HIPK1: variants seen among roughly 807,000 people sequenced by gnomAD.
The protein encoded by HIPK1 is homeodomain-interacting protein kinase 1.
Under a neutral mutation model 117.1 loss-of-function variants are expected in HIPK1, and 28 were observed. The observed-to-expected ratio is 0.24, with a 90% CI of 0.18 to 0.33. The LOEUF (loss-of-function observed/expected upper bound fraction) is 0.33, where lower values mean the gene tolerates loss of function less well. HIPK1 is among the 10% of genes least tolerant of loss of function. HIPK1 has a pLI of 1.00. For missense variants in HIPK1, 1,122 were observed against 1,475.1 expected (o/e 0.76, Z 3.92); for synonymous variants, 605 against 562.5 (o/e 1.08, Z -1.07).
intron 2 of HIPK1, among the ~76,000 whole-genome samples, chr1:113,944,336 G>C (rs956875835): frequency 6.6e-6 from 1 of 151,142 alleles, no homozygotes; most frequent in Non-Finnish European, 1.5e-5. Context: ...GCTAATTTTT[G>C]TATTTTTAGT....
chr1:113,956,545 CAT>C (rs1671741113), intron 5 of HIPK1, 80 bp from the exon 6 acceptor site: 10 of 921,580 alleles, frequency 1.1e-5, no homozygotes, highest in South Asian at 1.6e-5. Context: ...TACACACACA[CAT>C]AGTTTGGAGG....
chr1:113,947,147 A>T (rs4381184), intron 2 of HIPK1, among the ~76,000 whole-genome samples: 5 of 151,984 alleles, frequency 3.3e-5, no homozygotes, highest in African/African-American at 1.2e-4. Context: ...AAATTTGCCA[A>T]CTTGCTGTGT....
In HIPK1 at chr1:113,971,919, G is replaced by C. The variant is rs780616505; in HGVS notation, c.3109G>C (p.Gly1037Arg). ...CACAGGGTATCGAGCTCAACGCGGG[G>C]GGACCAGTGCAGCACAACCACTCAA... ...TPTGYRAQRGGTSAAQPLNLS... is the reference protein window; with the variant it reads ...TPTGYRAQRGRTSAAQPLNLS... The change falls in exon 15 of 16, where the codon GGG (glycine) becomes CGG (arginine). Residue 1037 changes from glycine to arginine, a missense_variant. Around this residue, in one of 6 missense-constraint regions of HIPK1, gnomAD observed 731 missense variants for 860.4 expected, o/e 0.85. Coordinates refer to ENST00000426820, the MANE Select transcript of HIPK1 (RefSeq NM_198268.3). 1.2e-6 allele frequency: 2 copies of C among 1,608,242 alleles called. No individual in the cohort carries two copies. Among genetic ancestry groups the C allele is most frequent in the South Asian group, 2.2e-5 (2 of 89,556 alleles).
At chr1:113,962,265 C>G (rs1672174237) in intron 8 of HIPK1, 52 bp from the exon 9 acceptor site, 2 of 1,573,620 alleles carry the variant, frequency 1.3e-6, no homozygotes, top group African/African-American at 2.7e-5. Context: ...AATCTTAAAA[C>G]AGTACTCCCA....
Position 113,963,470 on chromosome 1 carries a change from G to A in HIPK1, c.2187G>A (p.Leu729=). The change falls in exon 10 of 16, where the codon CTG becomes CTA. Residue 729 remains leucine (L), a synonymous_variant. Coordinates refer to ENST00000426820, the MANE Select transcript of HIPK1 (RefSeq NM_198268.3). Reference sequence around the variant, plus strand: ...CGCAGTATGCGGTGCCCTTTACTCTGAGCTGCGCAGCCGGCCGGCCGGCGC... The same window carrying A: ...CGCAGTATGCGGTGCCCTTTACTCTAAGCTGCGCAGCCGGCCGGCCGGCGC... The part of the protein sequence containing the change: ...ITPQYAVPFT[L]SCAAGRPALV... 6.2e-7 allele frequency: 1 copy of A among 1,614,206 alleles called. No individual in the cohort carries two copies. The highest frequency in any genetic ancestry group is 8.5e-7 in the Non-Finnish European group (1 of 1,180,028).
At chr1:113,935,862 T>C (rs971433379) in intron 1 of HIPK1, among the ~76,000 whole-genome samples, 2 of 152,220 alleles carry the variant, frequency 1.3e-5, no homozygotes, top group Non-Finnish European at 2.9e-5. Context: ...TCACATTGAA[T>C]TGAAAATATC....
intron 2 of HIPK1, among the ~76,000 whole-genome samples, chr1:113,947,881 G>C (rs1287763356): frequency 6.6e-6 from 1 of 152,142 alleles, no homozygotes; most frequent in African/African-American, 2.4e-5. Context: ...TCACTTTCCT[G>C]TGCTTCTGTA....
At chr1:113,960,829 TC>T (rs1358505082) in intron 8 of HIPK1, among the ~76,000 whole-genome samples, 5 of 152,248 alleles carry the variant, frequency 3.3e-5, no homozygotes, top group African/African-American at 4.8e-5. Flanking sequence ...ATTGTATTTT[TC>T]TTCATGACAA....
intron 1 of HIPK1, 147 bp downstream of exon 1, chr1:113,929,679 G>A: frequency 3.4e-6 from 3 of 875,906 alleles, no homozygotes; most frequent in East Asian, 1.0e-4. Context: ...CCGGACGGCA[G>A]CAGGAGGCCG....
chr1:113,934,360 A>G (rs959459090), intron 1 of HIPK1, among the ~76,000 whole-genome samples: 12 of 152,352 alleles, frequency 7.9e-5, no homozygotes, highest in Admixed American at 2.6e-4. Flanking sequence ...TTATTTGCCT[A>G]TAGTGCTTAT....
In HIPK1 at chr1:113,940,570, G is replaced by T; in HGVS notation, c.187G>T (p.Ala63Ser). 6.2e-7 allele frequency: 1 copy of T among 1,614,160 alleles called. No homozygotes were observed. The highest frequency in any genetic ancestry group is 8.5e-7 in the Non-Finnish European group (1 of 1,180,030). ...GCAAGCCAACTCCTCTCACCAGGTA[G>T]CAAATTTCAACATCCCTGCTTACGA... ...QGQANSSHQV[A>S]NFNIPAYDQG... The change falls in exon 2 of 16, where the codon GCA (alanine) becomes TCA (serine). Residue 63 changes from alanine (A) to serine (S), a missense_variant. By Grantham distance (99) the Ala-to-Ser change is moderately conservative. Around this residue, in one of 6 missense-constraint regions of HIPK1, gnomAD observed 192 missense variants for 234.0 expected, o/e 0.82. Coordinates refer to ENST00000426820, the MANE Select transcript of HIPK1 (RefSeq NM_198268.3).
chr1:113,960,760 GAT>G (rs1194291362), intron 8 of HIPK1, among the ~76,000 whole-genome samples: 1 of 152,128 alleles, frequency 6.6e-6, no homozygotes, highest in East Asian at 1.9e-4. Context: ...TATAAAAAAA[GAT>G]ATTGTTAGTG....
At position 113,946,336 on chromosome 1, in the gene HIPK1, T is replaced by G. The variant is rs535071806; in HGVS notation, c.1076+4877T>G. ...ATCAGCTCTTCCTTTCTGTCTTGAC[T>G]CTGTGCCTGCAGGTGTTCTTTAACT... On this transcript the variant is annotated intron_variant, in intron 2 of 15. Coordinates refer to ENST00000426820, the MANE Select transcript of HIPK1 (RefSeq NM_198268.3). Among the ~76,000 whole-genome samples the G allele has an allele frequency of 1.9e-4, 29 of 152,330 alleles. No individual in the cohort carries two copies. In the East Asian group the frequency reaches 5.2e-3, roughly 27 times the overall value.
At chr1:113,957,425 GA>G in intron 7 of HIPK1, 139 bp downstream of exon 7, 1 of 659,052 alleles carries the variant, frequency 1.5e-6, no homozygotes, top group African/African-American at 1.8e-5. Flanking sequence ...AAAGTTGATG[GA>G]AAACAGGGTA....
rs1558126082 is a variant in HIPK1 at position 113,938,965 on chromosome 1, T to TACAC, written c.-2-1416_-2-1415insCACA. 4.3e-4 allele frequency among the ~76,000 whole-genome samples: 47 copies of TACAC among 109,322 alleles called. 1 individual carries two copies. Among genetic ancestry groups the TACAC allele is most frequent in the East Asian group, 3.3e-3 (14 of 4,206 alleles). The allele number at this position is 109,322 out of a possible 152,430, so 71.7% of individuals were successfully genotyped here. On this transcript the variant is annotated intron_variant, in intron 1 of 15. Coordinates refer to ENST00000426820, the MANE Select transcript of HIPK1 (RefSeq NM_198268.3). ...ACACACACACACACACACACACACT[T>TACAC]AGGAGATGGAATGGATAAGATAGAG...
chr1:113,956,247 G>T (rs2101342715), intron 5 of HIPK1, among the ~76,000 whole-genome samples: 1 of 151,752 alleles, frequency 6.6e-6, no homozygotes, highest in African/African-American at 2.4e-5. Context: ...GCTAATTTTT[G>T]TATTTTTTTT....
chr1:113,963,985 T>G (rs1672294006), intron 10 of HIPK1, among the ~76,000 whole-genome samples: 1 of 152,264 alleles, frequency 6.6e-6, no homozygotes, highest in Non-Finnish European at 1.5e-5. Flanking sequence ...CTCCTTTTTT[T>G]GCTGTTTTAA....
intron 1 of HIPK1, among the ~76,000 whole-genome samples, chr1:113,937,034 T>C (rs1200495997): frequency 1.3e-5 from 2 of 152,220 alleles, no homozygotes; most frequent in Non-Finnish European, 2.9e-5. Flanking sequence ...GTAAAGGAGG[T>C]ACTTGGTTTC....
intron 1 of HIPK1, among the ~76,000 whole-genome samples, chr1:113,932,028 A>G (rs1421846999): frequency 6.6e-6 from 1 of 152,104 alleles, no homozygotes; most frequent in African/African-American, 2.4e-5. Context: ...CACTTCAACA[A>G]TCACTGGTTT....
Sources: allele counts gnomAD v4.1 joint callset (sites outside exome capture counted in the v4.1 genomes callset), GRCh38; gene constraint gnomAD v4.1.1; regional missense constraint gnomAD v4.1.1; transcripts MANE v1.5; gene names NCBI Gene and HGNC (gene_info 2026-07-23, HGNC 2026-07-21).